Variants in DHX38 observed in about 807,000 individuals in gnomAD.
The protein encoded by DHX38 is pre-mRNA-splicing factor ATP-dependent RNA helicase PRP16.
DHX38 carries 100 observed loss-of-function variants against 153.1 expected under a neutral mutation model. That is an observed-to-expected ratio of 0.65 (90% CI 0.56 to 0.77). DHX38 has a LOEUF of 0.77. Among genes scored for constraint, DHX38 ranks in the 30% least tolerant of loss-of-function variants. DHX38 has a pLI of 0.00. For synonymous variants in DHX38, 650 were observed against 631.7 expected, an observed-to-expected ratio of 1.03 and a Z score of -0.43; for missense variants, 1,440 against 1,654.0, an observed-to-expected ratio of 0.87 and a Z score of 2.24.
At chr16:72,106,589 C>T (rs1008917898) in intron 19 of DHX38, among the ~76,000 whole-genome samples, 1 of 152,070 alleles carries the variant, frequency 6.6e-6, no homozygotes, top group African/African-American at 2.4e-5. Context: ...GCTGAGATTG[C>T]AGGCAGGCAC....
rs761608555 is a variant in DHX38, at chr16:72,106,128, T to A, written c.2600+11T>A. 6.8e-6 allele frequency: 11 copies of A among 1,613,160 alleles called. No homozygotes were observed. On this transcript the variant is annotated intron_variant, in intron 19 of 26. Coordinates refer to ENST00000268482, the MANE Select transcript of DHX38 (RefSeq NM_014003.4). ...AGGTCAGTGTTTCAGGTAGGAGCCC[T>A]GTGCTAGCCTGCTTTCTGGGGCAGC...
At chr16:72,111,773 TG>T (rs1305118570) in intron 26 of DHX38, among the ~76,000 whole-genome samples, 6 of 152,170 alleles carry the variant, frequency 3.9e-5, no homozygotes, top group Admixed American at 6.5e-5. Context: ...TGAACTTCAG[TG>T]TCCAGAGTTC....
At chr16:72,108,701 C>T in intron 23 of DHX38, 94 bp downstream of exon 23, 1 of 1,586,778 alleles carries the variant, frequency 6.3e-7, no homozygotes. Context: ...CAGATCTGGG[C>T]TTCCGCCAAA....
At chr16:72,095,710 C>T (rs1429282010) in intron 1 of DHX38, among the ~76,000 whole-genome samples, 1 of 152,100 alleles carries the variant, frequency 6.6e-6, no homozygotes, top group East Asian at 1.9e-4. Context: ...AAGTTATTTG[C>T]TTACCATCAT....
At chr16:72,110,145 G>A (rs1333080381) in intron 25 of DHX38, among the ~76,000 whole-genome samples, 4 of 152,136 alleles carry the variant, frequency 2.6e-5, no homozygotes, top group African/African-American at 9.7e-5. Flanking sequence ...TCCACCCCAC[G>A]CTTTTTTTCA....
At chr16:72,110,935 A>G in intron 25 of DHX38, 21 bp from the exon 26 acceptor site, 1 of 1,573,134 alleles carries the variant, frequency 6.4e-7, no homozygotes, top group Non-Finnish European at 8.6e-7. Flanking sequence ...AGGCTCAGCC[A>G]GGTCTGTCCC....
intron 1 of DHX38, among the ~76,000 whole-genome samples, chr16:72,095,653 A>ATG (rs2042003659): frequency 6.6e-6 from 1 of 152,222 alleles, no homozygotes; most frequent in Non-Finnish European, 1.5e-5. Flanking sequence ...GATAAGGTAA[A>ATG]AATTTTTTCC....
Position 72,104,573 on chromosome 16 carries a change from C to T in DHX38, c.2098C>T (p.Pro700Ser), listed in dbSNP as rs767167121. The T allele has an allele frequency of 6.2e-7, 1 of 1,614,088 alleles. No homozygotes were observed. Among genetic ancestry groups the T allele is most frequent in the Non-Finnish European group, 8.5e-7 (1 of 1,179,976 alleles). Residue 700 changes from proline to serine, a missense_variant, in exon 15 of 27, where the codon CCC (proline) becomes TCC (serine). Pro to Ser is a moderately conservative substitution (Grantham distance 74). This residue lies in a region of DHX38 where 543 missense variants were observed against 717.9 expected (regional missense o/e 0.76). Coordinates refer to ENST00000268482, the MANE Select transcript of DHX38 (RefSeq NM_014003.4). This position sits in a 1 kb window ranked among gnomAD's most constrained non-coding sequence, Gnocchi z 4.5. ...GTTTGCTGCCTTTTTTGGGAATGTC[C>T]CCATCTTCCACATCCCTGGCCGTAC... ...EKFAAFFGNV[P>S]IFHIPGRTFP...
At position 72,104,599 on chromosome 16, in the gene DHX38, C is replaced by A. The variant is rs758416656; in HGVS notation, c.2124C>A (p.Thr708=). ...NVPIFHIPGR[T]FPVDILFSKT... is the part of the protein sequence containing the mutation. ...CCATCTTCCACATCCCTGGCCGTAC[C>A]TTCCCTGTTGACATCCTCTTCAGCA... The change falls in exon 15 of 27, where the codon ACC becomes ACA. Residue 708 remains threonine (T), a synonymous_variant. Transcript: ENST00000268482. This position sits in a 1 kb window ranked among gnomAD's most constrained non-coding sequence, Gnocchi z 4.5. 5 of 1,614,174 alleles carry A rather than the reference C, an allele frequency of 3.1e-6. No homozygotes were observed. The highest frequency in any genetic ancestry group is 3.4e-6 in the Non-Finnish European group (4 of 1,180,026).
chr16:72,110,519 GC>G (rs2042242134), intron 25 of DHX38, among the ~76,000 whole-genome samples: 2 of 152,158 alleles, frequency 1.3e-5, no homozygotes, highest in South Asian at 4.1e-4. Flanking sequence ...GATGGCCATT[GC>G]CTAGATCCAT....
intron 4 of DHX38, among the ~76,000 whole-genome samples, 162 bp from the exon 5 acceptor site, chr16:72,098,483 A>G (rs940877770): frequency 6.6e-6 from 1 of 152,212 alleles, no homozygotes; most frequent in African/African-American, 2.4e-5. Context: ...AAATTGAGAT[A>G]TCTTTAAAAA....
chr16:72,094,482 T>C (rs549902276), intron 1 of DHX38: 2 of 152,378 alleles, frequency 1.3e-5, no homozygotes, highest in African/African-American at 4.8e-5. Flanking sequence ...TCTTGTTCTC[T>C]GTTGCTATCG....
At chr16:72,109,597 C>T (rs2042231855) in intron 25 of DHX38, 87 bp downstream of exon 25, 4 of 1,248,366 alleles carry the variant, frequency 3.2e-6, no homozygotes, top group Non-Finnish European at 4.4e-6. Context: ...TGCGGTCATC[C>T]AACCCACTTA....
intron 12 of DHX38, 57 bp from the exon 13 acceptor site, chr16:72,103,545 G>T (rs2042128934): frequency 2.6e-6 from 4 of 1,564,008 alleles, no homozygotes; most frequent in Non-Finnish European, 3.5e-6. Context: ...CTTCTTGGAG[G>T]CTGGGTGTTG....
At chr16:72,110,286 G>A (rs1250242061) in intron 25 of DHX38, among the ~76,000 whole-genome samples, 1 of 152,214 alleles carries the variant, frequency 6.6e-6, no homozygotes, top group African/African-American at 2.4e-5. Context: ...GTAAGCTGGC[G>A]ATGAGTCCAA....
At chr16:72,101,661 G>C in intron 11 of DHX38, 49 bp downstream of exon 11, 1 of 1,483,464 alleles carries the variant, frequency 6.7e-7, no homozygotes, top group Non-Finnish European at 9.2e-7. Flanking sequence ...AAAGATGGGG[G>C]CCCATGTGGG....
chr16:72,108,117 A>G, intron 21 of DHX38, 110 bp from the exon 22 acceptor site: 2 of 1,267,168 alleles, frequency 1.6e-6, no homozygotes, highest in South Asian at 2.8e-5. Flanking sequence ...ACCTATTGAC[A>G]TGTTTGAAGT....
rs2042173060 is a variant in DHX38, at chr16:72,106,120, A to G, written c.2600+3A>G. On this transcript the variant is annotated splice_donor_region_variant and intron_variant, in intron 19 of 26. Coordinates refer to ENST00000268482, the MANE Select transcript of DHX38 (RefSeq NM_014003.4). ...ACGGGCCCAGGTCAGTGTTTCAGGT[A>G]GGAGCCCTGTGCTAGCCTGCTTTCT... 2 of 1,614,006 alleles carry G rather than the reference A, an allele frequency of 1.2e-6. No individual in the cohort carries two copies. The highest frequency in any genetic ancestry group is 1.7e-6 in the Non-Finnish European group (2 of 1,179,948).
chr16:72,112,162 C>T, intron 26 of DHX38: 2 of 554,898 alleles, frequency 3.6e-6, no homozygotes, highest in South Asian at 4.5e-5. Flanking sequence ...TTTGTAGCTC[C>T]CCTAGGGACT....
Sources: gnomAD v4.1 joint callset for allele counts (sites outside exome capture counted in the v4.1 genomes callset) on GRCh38, gnomAD v4.1.1 for gene constraint, gnomAD v4.1.1 regional missense constraint, Gnocchi (gnomAD v3.1) non-coding constraint, MANE v1.5 for transcripts, NCBI Gene and HGNC (gene_info 2026-07-23, HGNC 2026-07-21) for gene names.